TTBK1: variants seen among roughly 807,000 people sequenced by gnomAD.
The protein encoded by TTBK1 is tau-tubulin kinase 1.
In TTBK1, 34 loss-of-function variants were observed where a neutral mutation model predicts 108.5. That is an observed-to-expected ratio of 0.31 (90% CI 0.24 to 0.42). The LOEUF (loss-of-function observed/expected upper bound fraction) is 0.42, where lower values mean the gene tolerates loss of function less well. TTBK1 is among the 10% of genes least tolerant of loss of function. TTBK1 has a pLI of 1.00. For missense variants in TTBK1, 1,539 were observed against 1,826.0 expected, an observed-to-expected ratio of 0.84 and a Z score of 2.86; for synonymous variants, 809 against 795.1, an observed-to-expected ratio of 1.02 and a Z score of -0.29.
chr6:43,280,089 G>C (rs1438787448), intron 13 of TTBK1, among the ~76,000 whole-genome samples: 3 of 142,354 alleles, frequency 2.1e-5, no homozygotes, highest in African/African-American at 7.3e-5. Flanking sequence ...GGTTGCTGGG[G>C]TCCTGCTGGA....
chr6:43,248,590 G>T (rs1777160706), intron 2 of TTBK1, among the ~76,000 whole-genome samples: 1 of 152,222 alleles, frequency 6.6e-6, no homozygotes, highest in African/African-American at 2.4e-5. Context: ...GGGTGTGGCA[G>T]TGGGCGCCTG....
chr6:43,284,108 C>A lies in TTBK1; in HGVS notation c.3368C>A (p.Thr1123Asn). The A allele has an allele frequency of 6.5e-7, 1 of 1,539,948 alleles. No individual in the cohort carries two copies. The highest frequency in any genetic ancestry group is 8.7e-7 in the Non-Finnish European group (1 of 1,146,634). Residue 1123 changes from threonine to asparagine, a missense_variant, in exon 14 of 15, where the codon ACC becomes AAC. By Grantham distance (65) the Thr-to-Asn change is moderately conservative (BLOSUM62 0). Transcript: ENST00000259750. The part of the protein sequence containing the change: ...SSEEQRRASE[T>N]LSGTGSEEDT... The stretch of plus-strand genomic sequence containing the variant: ...GAGGAGCAGCGCCGTGCCTCTGAGA[C>A]CCTCTCAGGCACGGGCTCTGAGGAG...
intron 2 of TTBK1, among the ~76,000 whole-genome samples, chr6:43,251,646 A>G (rs139964324): frequency 9.6e-4 from 146 of 151,872 alleles, no homozygotes; most frequent in African/African-American, 3.5e-3. Flanking sequence ...CTCTTCCTTC[A>G]CTTTATTGCG....
Position 43,269,604 on chromosome 6 carries a change from T to C in TTBK1, c.1986+6254T>C, listed in dbSNP as rs1324526837. On this transcript the variant is annotated intron_variant, in intron 13 of 14. Coordinates refer to ENST00000259750, the MANE Select transcript of TTBK1 (RefSeq NM_032538.3). This position sits in a 1 kb window ranked among gnomAD's most constrained non-coding sequence, Gnocchi z 4.8. ...GAGACGGAGCTGTCGAGTCTGTGCC[T>C]GACACCTCTTTTCCCTCCACTTTCT... 6.3e-7 allele frequency: 1 copy of C among 1,584,278 alleles called. No individual in the cohort carries two copies. Among genetic ancestry groups the C allele is most frequent in the African/African-American group, 1.3e-5 (1 of 74,286 alleles).
At position 43,282,049 on chromosome 6, in the gene TTBK1, G is replaced by A. The variant is rs754778795; in HGVS notation, c.1987-678G>A. Among the ~76,000 whole-genome samples, 1 of 152,260 alleles carries A rather than the reference G, an allele frequency of 6.6e-6. No individual in the cohort carries two copies. Among genetic ancestry groups the A allele is most frequent in the Non-Finnish European group, 1.5e-5 (1 of 68,048 alleles). ...AATGGAATGGAGCTCAAGTATACCT[G>A]TCGAGGGCTGGACAAATTCCTGGCT... On this transcript the variant is annotated intron_variant, in intron 13 of 14. Transcript: ENST00000259750. The surrounding 1 kb of genome is among the most constrained non-coding windows in gnomAD (Gnocchi z 5.4).
At chr6:43,258,588 G>A (rs1335076465) in intron 10 of TTBK1, among the ~76,000 whole-genome samples, 2 of 143,898 alleles carry the variant, frequency 1.4e-5, no homozygotes, top group Non-Finnish European at 3.0e-5. Context: ...AATCATCAAA[G>A]AAGATTAAAT....
chr6:43,257,819 T>A lies in TTBK1; in HGVS notation c.869T>A (p.Met290Lys). 6.2e-7 allele frequency: 1 copy of A among 1,613,634 alleles called. No individual in the cohort carries two copies. The highest frequency in any genetic ancestry group is 1.1e-5 in the South Asian group (1 of 91,044). The change falls in exon 10 of 15, where the codon ATG becomes AAG. Residue 290 changes from methionine (M) to lysine (K), a missense_variant. Physicochemically the swap from Met to Lys is moderately conservative, Grantham distance 95. Transcript: ENST00000259750. The surrounding 1 kb of genome is among the most constrained non-coding windows in gnomAD (Gnocchi z 4.5). ...YFTKPDYQLI[M>K]SVFENSMKER... ...CACCCTCACCCCCTGCAGTTGATCA[T>A]GTCAGTGTTTGAGAACAGCATGAAG...
Position 43,254,574 on chromosome 6 carries a change from T to C in TTBK1, c.499T>C (p.Ser167Pro). The C allele has an allele frequency of 6.3e-7, 1 of 1,579,576 alleles. No homozygotes were observed. The highest frequency in any genetic ancestry group is 8.6e-7 in the Non-Finnish European group (1 of 1,165,826). ...PSNFAMGRLPSTYRKCYMLDF... is the reference protein window; with the variant it reads ...PSNFAMGRLPPTYRKCYMLDF... ...AAACTTTGCCATGGGCAGGCTGCCC[T>C]CCACCTACAGGAAGTGCTATATGCT... The change falls in exon 6 of 15, where the codon TCC becomes CCC. Residue 167 changes from serine to proline, a missense_variant. Coordinates refer to ENST00000259750, the MANE Select transcript of TTBK1 (RefSeq NM_032538.3).
chr6:43,255,538 C>G lies in TTBK1; in HGVS notation c.643-14C>G. On this transcript the variant is annotated splice_polypyrimidine_tract_variant and intron_variant, in intron 7 of 14. Coordinates refer to ENST00000259750, the MANE Select transcript of TTBK1 (RefSeq NM_032538.3). Reference sequence around the variant, plus strand: ...ACCTGAGAGCTGCAGGTGACTCCCTCCCCCCACCTCCAGGAGATGGGCCGC... The same window carrying G: ...ACCTGAGAGCTGCAGGTGACTCCCTGCCCCCACCTCCAGGAGATGGGCCGC... 3 of 1,584,954 alleles carry G rather than the reference C, an allele frequency of 1.9e-6. No homozygotes were observed. Among genetic ancestry groups the G allele is most frequent in the Non-Finnish European group, 2.6e-6 (3 of 1,165,330 alleles).
Position 43,249,260 on chromosome 6 carries a change from C to T in TTBK1, c.108+2492C>T, listed in dbSNP as rs1489775627. Among the ~76,000 whole-genome samples, 4 of 152,094 alleles carry T rather than the reference C, an allele frequency of 2.6e-5. No individual in the cohort carries two copies. In the South Asian group the frequency reaches 8.3e-4, roughly 32 times the overall value. ...AGGTCACCCAGAGCTGGCCAAGAAA[C>T]CAGGTCTCCTTCCTCCCAAGGACCA... On this transcript the variant is annotated intron_variant, in intron 2 of 14. Coordinates refer to ENST00000259750, the MANE Select transcript of TTBK1 (RefSeq NM_032538.3).
chr6:43,285,210 G>T lies in TTBK1; in HGVS notation c.3800G>T (p.Arg1267Leu). The change falls in exon 15 of 15, where the codon CGG becomes CTG. Residue 1267 changes from arginine (R) to leucine (L), a missense_variant. By Grantham distance (102) the Arg-to-Leu change is moderately radical. This residue lies in a region of TTBK1 where 1,055 missense variants were observed against 1,086.5 expected (regional missense o/e 0.97). Coordinates refer to ENST00000259750, the MANE Select transcript of TTBK1 (RefSeq NM_032538.3). This position sits in a 1 kb window ranked among gnomAD's most constrained non-coding sequence, Gnocchi z 4.7. Reference protein sequence around the residue: ...RESPSPSHQARPGVPPPRGVP... With the variant: ...RESPSPSHQALPGVPPPRGVP... ...AGCCCCTCCCCCTCGCACCAGGCCC[G>T]GCCCGGGGTCCCCCCGCCCCGGGGC... 1 of 1,319,972 alleles carries T rather than the reference G, an allele frequency of 7.6e-7. No individual in the cohort carries two copies. The allele number at this position is 1,319,972 out of a possible 1,614,324, so 81.8% of individuals were successfully genotyped here. A position where few individuals can be genotyped will look rare whatever the true frequency, so the allele number is the denominator to read the frequency against.
rs1322388922 is a variant in TTBK1, at chr6:43,253,257, T to A, written c.257-34T>A. ...AGGGTTGGAAATGAGGAAGAAAGAG[T>A]AAGAGCTGGAAGACCTATGTCTGTG... On this transcript the variant is annotated intron_variant, in intron 3 of 14. Transcript: ENST00000259750. This position sits in a 1 kb window ranked among gnomAD's most constrained non-coding sequence, Gnocchi z 5.8. 8 of 1,608,964 alleles carry A rather than the reference T, an allele frequency of 5.0e-6. No individual in the cohort carries two copies. The highest frequency in any genetic ancestry group is 1.7e-6 in the Non-Finnish European group (2 of 1,176,080).
rs1268899931 is a variant in TTBK1 at position 43,283,800 on chromosome 6, T to G, written c.3060T>G (p.Leu1020=). 1 of 1,610,096 alleles carries G rather than the reference T, an allele frequency of 6.2e-7. No homozygotes were observed. The highest frequency in any genetic ancestry group is 2.2e-5 in the East Asian group (1 of 44,716). Reference sequence around the variant, plus strand: ...ACTCACTGCCCAATGGCCCGGCCCTTGCAGACGGGCCAGCCCCGGTGTCCC... The same window carrying G: ...ACTCACTGCCCAATGGCCCGGCCCTGGCAGACGGGCCAGCCCCGGTGTCCC... ...ATNSLPNGPA[L]ADGPAPVSPL... is the part of the protein sequence containing the mutation. Residue 1020 remains leucine (L), a synonymous_variant, in exon 14 of 15, where the codon CTT becomes CTG. Coordinates refer to ENST00000259750, the MANE Select transcript of TTBK1 (RefSeq NM_032538.3). The surrounding 1 kb of genome is among the most constrained non-coding windows in gnomAD (Gnocchi z 8.1).
chr6:43,244,329 C>T (rs1324601694), intron 1 of TTBK1, among the ~76,000 whole-genome samples: 2 of 152,152 alleles, frequency 1.3e-5, no homozygotes, highest in Non-Finnish European at 2.9e-5. Context: ...CTGCTGACAC[C>T]TTGCAGAGTT....
intron 6 of TTBK1, 56 bp downstream of exon 6, chr6:43,254,707 T>C: frequency 6.8e-7 from 1 of 1,462,636 alleles, no homozygotes. Context: ...CTCCCAGATC[T>C]GGGGACCCTT....
In TTBK1 at chr6:43,252,777, C is replaced by T; in HGVS notation, c.147C>T (p.Tyr49=). 4 of 1,613,942 alleles carry T rather than the reference C, an allele frequency of 2.5e-6. No individual in the cohort carries two copies. Among genetic ancestry groups the T allele is most frequent in the Non-Finnish European group, 3.4e-6 (4 of 1,179,986 alleles). Residue 49 remains tyrosine (Y), a synonymous_variant, in exon 3 of 15, where the codon TAC becomes TAT. Transcript: ENST00000259750. ...GGGGCGGGGGCTTTGGTGAGATCTA[C>T]GAGGCCATGGACCTGCTGACCAGGG... ...KIGGGGFGEI[Y]EAMDLLTREN...
chr6:43,257,781 T>C lies in TTBK1; in HGVS notation c.862-31T>C. 1.3e-6 allele frequency: 2 copies of C among 1,598,136 alleles called. No individual in the cohort carries two copies. Among genetic ancestry groups the C allele is most frequent in the Non-Finnish European group, 1.7e-6 (2 of 1,169,386 alleles). On this transcript the variant is annotated intron_variant, in intron 9 of 14. Coordinates refer to ENST00000259750, the MANE Select transcript of TTBK1 (RefSeq NM_032538.3). The surrounding 1 kb of genome is among the most constrained non-coding windows in gnomAD (Gnocchi z 4.5). ...TCCTGGCTAGCCCCCGGATCACCTC[T>C]CTGTCCTCCCATCACCCTCACCCCC...
At chr6:43,245,811 T>C (rs1401784202) in intron 1 of TTBK1, among the ~76,000 whole-genome samples, 2 of 152,188 alleles carry the variant, frequency 1.3e-5, no homozygotes, top group Non-Finnish European at 2.9e-5. Context: ...CCTGCTGTTC[T>C]CTTTCACTTC....
At chr6:43,244,381 C>T (rs1777034837) in intron 1 of TTBK1, among the ~76,000 whole-genome samples, 1 of 152,216 alleles carries the variant, frequency 6.6e-6, no homozygotes, top group South Asian at 2.1e-4. Flanking sequence ...TGAGCTCCCA[C>T]CAGTTCCACG....
Sources: gnomAD v4.1 joint callset for allele counts (sites outside exome capture counted in the v4.1 genomes callset) on GRCh38, gnomAD v4.1.1 for gene constraint, gnomAD v4.1.1 regional missense constraint, Gnocchi (gnomAD v3.1) non-coding constraint, MANE v1.5 for transcripts, NCBI Gene and HGNC (gene_info 2026-07-23, HGNC 2026-07-21) for gene names.